Variants in TACR1 observed in about 807,000 individuals in gnomAD.
TACR1 encodes substance-P receptor.
TACR1 carries 25 observed loss-of-function variants against 35.8 expected under a neutral mutation model. The observed-to-expected ratio is 0.70, with a 90% CI of 0.51 to 0.98. The LOEUF (loss-of-function observed/expected upper bound fraction) is 0.98. TACR1 is among the 50% of genes least tolerant of loss of function. The probability of loss-of-function intolerance (pLI) is 0.00; values close to 1 mark genes in which losing one functional copy is unlikely to be tolerated. For synonymous variants in TACR1, 195 were observed against 206.7 expected (o/e 0.94, Z 0.48); for missense variants, 478 against 522.9 (o/e 0.91, Z 0.84).
rs542874606 is a variant in TACR1, at chr2:75,051,087, G to T, written c.932+164C>A. 43 of 839,230 alleles carry T rather than the reference G, an allele frequency of 5.1e-5. 1 individual carries two copies. The South Asian group carries it at 6.7e-4, about 13-fold the overall frequency. 52.0% of individuals were successfully genotyped at this position (839,230 alleles called of 1,614,324 possible). Reference sequence around the variant, plus strand: ...CACTCCGGGCTCCCATTCCTGGATGGTGATAATCAGCCAGGCTGAGTTGTG... The same window carrying T: ...CACTCCGGGCTCCCATTCCTGGATGTTGATAATCAGCCAGGCTGAGTTGTG... On this transcript the variant is annotated intron_variant, in intron 4 of 4. Transcript: ENST00000305249.
At chr2:75,066,692 C>G (rs941815798) in intron 2 of TACR1, among the ~76,000 whole-genome samples, 1 of 152,224 alleles carries the variant, frequency 6.6e-6, no homozygotes, top group Admixed American at 6.5e-5. Flanking sequence ...ACCCTACTTT[C>G]TTTTCTTAGC....
rs566142225 is a variant in TACR1, at chr2:75,101,542, G to A, written c.584+19032C>T. 6.6e-5 allele frequency among the ~76,000 whole-genome samples: 10 copies of A among 152,250 alleles called. No individual in the cohort carries two copies. In the East Asian group the frequency reaches 1.9e-3, roughly 29 times the overall value. Reference sequence around the variant, plus strand: ...TGCCAAAGTCACATAGCTCATGAGTGGTAGCTCCACTGTAGATTACTTTGG... The same window carrying A: ...TGCCAAAGTCACATAGCTCATGAGTAGTAGCTCCACTGTAGATTACTTTGG... On this transcript the variant is annotated intron_variant, in intron 2 of 4. Coordinates refer to ENST00000305249, the MANE Select transcript of TACR1 (RefSeq NM_001058.4).
chr2:75,183,719 C>T (rs10153795), intron 1 of TACR1, among the ~76,000 whole-genome samples: 12,875 of 152,174 alleles, frequency 0.085, 654 homozygotes, highest in African/African-American at 0.12. Context: ...TCTTTCTCTG[C>T]GTTTATATCA....
Position 75,047,762 on chromosome 2 carries a change from T to G in TACR1, c.*1670A>C, listed in dbSNP as rs1312510667. On this transcript the variant is annotated 3_prime_UTR_variant, in exon 5 of 5. Coordinates refer to ENST00000305249, the MANE Select transcript of TACR1 (RefSeq NM_001058.4). ...GTTCTTGAGGTTTTCTGGCTTATAC[T>G]GTTTCTTCTTCCCCCAGGCCTGTGG... is the stretch of plus-strand genomic sequence containing the variant. 1.3e-5 allele frequency: 2 copies of G among 152,276 alleles called. No homozygotes were observed. Among genetic ancestry groups the G allele is most frequent in the Non-Finnish European group, 2.9e-5 (2 of 68,056 alleles). The allele number at this position is 152,276 out of a possible 1,614,324, so 9.4% of individuals were successfully genotyped here. A position where few individuals can be genotyped will look rare whatever the true frequency, so the allele number is the denominator to read the frequency against.
At position 75,053,641 on chromosome 2, in the gene TACR1, A is replaced by G; in HGVS notation, c.699T>C (p.Ser233=). The change falls in exon 3 of 5, where the codon TCT becomes TCC. Residue 233 remains serine, a synonymous_variant. Coordinates refer to ENST00000305249, the MANE Select transcript of TACR1 (RefSeq NM_001058.4). The part of the protein sequence containing the change: ...LWASEIPGDS[S]DRYHEQVSAK... ...CAGAGACTTGCTCGTGGTAGCGGTCAGAGGAGTCCCCGGGGATCTCACTGG... is the reference window on the plus strand; with the variant it reads ...CAGAGACTTGCTCGTGGTAGCGGTCGGAGGAGTCCCCGGGGATCTCACTGG... 1.9e-6 allele frequency: 3 copies of G among 1,594,728 alleles called. No individual in the cohort carries two copies. Among genetic ancestry groups the G allele is most frequent in the Middle Eastern group, 1.7e-4 (1 of 5,934 alleles).
chr2:75,064,739 T>G (rs1021086561), intron 2 of TACR1, among the ~76,000 whole-genome samples: 11 of 152,304 alleles, frequency 7.2e-5, no homozygotes, highest in African/African-American at 2.6e-4. Flanking sequence ...AGGCTGTAAT[T>G]CCCCGATTCA....
intron 1 of TACR1, among the ~76,000 whole-genome samples, chr2:75,167,962 A>T (rs1405638952): frequency 6.6e-6 from 1 of 152,186 alleles, no homozygotes; most frequent in Admixed American, 6.5e-5. Context: ...CCAAGAAGCA[A>T]AATTGGGCAT....
chr2:75,154,410 G>GCACGCACA (rs1553380945), intron 1 of TACR1: 1 of 75,364 alleles, frequency 1.3e-5, no homozygotes, highest in African/African-American at 4.9e-5. Context: ...GAGCGCGCAC[G>GCACGCACA]CACACACACA....
intron 1 of TACR1, among the ~76,000 whole-genome samples, chr2:75,183,436 A>G (rs1675607058): frequency 6.6e-6 from 1 of 152,240 alleles, no homozygotes; most frequent in Admixed American, 6.5e-5. Flanking sequence ...CAACAGCTAT[A>G]TTAATCACAG....
intron 1 of TACR1, among the ~76,000 whole-genome samples, chr2:75,184,417 T>C (rs1002422190): frequency 3.3e-5 from 5 of 152,012 alleles, no homozygotes; most frequent in African/African-American, 1.2e-4. Context: ...TGAGTTTTAA[T>C]TAACTTGTTC....
At chr2:75,131,473 T>C (rs1235338407) in intron 1 of TACR1, among the ~76,000 whole-genome samples, 2 of 152,172 alleles carry the variant, frequency 1.3e-5, no homozygotes, top group African/African-American at 4.8e-5. Flanking sequence ...GTGAATGTTA[T>C]CATGGGTCCA....
At chr2:75,169,170 A>G (rs978600853) in intron 1 of TACR1, among the ~76,000 whole-genome samples, 2 of 151,990 alleles carry the variant, frequency 1.3e-5, no homozygotes, top group Non-Finnish European at 2.9e-5. Context: ...CTTAAATTTC[A>G]TTTTTTGGTT....
At chr2:75,058,442 T>A (rs1289377137) in intron 2 of TACR1, among the ~76,000 whole-genome samples, 1 of 152,222 alleles carries the variant, frequency 6.6e-6, no homozygotes, top group Non-Finnish European at 1.5e-5. Flanking sequence ...TAGGATTTTA[T>A]CAGCTCTCAG....
intron 2 of TACR1, among the ~76,000 whole-genome samples, chr2:75,054,494 C>A (rs1403640273): frequency 6.6e-6 from 1 of 152,120 alleles, no homozygotes; most frequent in Non-Finnish European, 1.5e-5. Context: ...CAGGTGCCAA[C>A]TGACTCACGT....
intron 2 of TACR1, among the ~76,000 whole-genome samples, chr2:75,054,305 G>A (rs1397714401): frequency 6.6e-6 from 1 of 152,240 alleles, no homozygotes; most frequent in Non-Finnish European, 1.5e-5. Flanking sequence ...TATGCTATGT[G>A]ATAAGTGAAT....
At chr2:75,161,344 CT>C (rs1340339404) in intron 1 of TACR1, among the ~76,000 whole-genome samples, 1 of 151,830 alleles carries the variant, frequency 6.6e-6, no homozygotes, top group Non-Finnish European at 1.5e-5. Flanking sequence ...AAAAATAGCT[CT>C]TTAAAGAGAA....
chr2:75,114,125 A>G (rs1673806209), intron 2 of TACR1, among the ~76,000 whole-genome samples: 1 of 152,196 alleles, frequency 6.6e-6, no homozygotes, highest in Non-Finnish European at 1.5e-5. Flanking sequence ...ACATATTCAT[A>G]TTCACTCACA....
Position 75,048,462 on chromosome 2 carries a change from G to A in TACR1, c.*970C>T, listed in dbSNP as rs780969542. 2 of 152,220 alleles carry A rather than the reference G, an allele frequency of 1.3e-5. No individual in the cohort carries two copies. The highest frequency in any genetic ancestry group is 2.9e-5 in the Non-Finnish European group (2 of 68,042). 9.4% of individuals were successfully genotyped at this position (152,220 alleles called of 1,614,324 possible). A position where few individuals can be genotyped will look rare whatever the true frequency, so the allele number is the denominator to read the frequency against. On this transcript the variant is annotated 3_prime_UTR_variant, in exon 5 of 5. Coordinates refer to ENST00000305249, the MANE Select transcript of TACR1 (RefSeq NM_001058.4). ...TGTACTCAGGATTTTAAGATAAATC[G>A]GAGAATGTCTGAGATGGATAGTTAC...
At chr2:75,099,447 A>C (rs191022253) in intron 2 of TACR1, among the ~76,000 whole-genome samples, 19 of 152,078 alleles carry the variant, frequency 1.2e-4, no homozygotes, top group Non-Finnish European at 2.2e-4. Context: ...CCTATTCCTC[A>C]GACTCTTCAT....
Sources: allele counts gnomAD v4.1 joint callset (sites outside exome capture counted in the v4.1 genomes callset), GRCh38; gene constraint gnomAD v4.1.1; transcripts MANE v1.5; gene names NCBI Gene and HGNC (gene_info 2026-07-23, HGNC 2026-07-21).